PTPRG: variants seen among roughly 807,000 people sequenced by gnomAD.
The protein encoded by PTPRG is receptor-type tyrosine-protein phosphatase gamma.
A neutral mutation model predicts 165.3 loss-of-function variants in PTPRG; 102 were observed. The ratio of observed to expected loss-of-function variants is 0.62; its 90% confidence interval spans 0.53 to 0.73. PTPRG has a LOEUF of 0.73. PTPRG is among the 30% of genes least tolerant of loss of function. The pLI is 0.00. For missense variants in PTPRG, 1,866 were observed against 1,861.4 expected, an observed-to-expected ratio of 1.00 and a Z score of -0.05; for synonymous variants, 675 against 669.5, an observed-to-expected ratio of 1.01 and a Z score of -0.13.
At chr3:61,588,969 C>T (rs1443227094) in intron 1 of PTPRG, among the ~76,000 whole-genome samples, 1 of 152,108 alleles carries the variant, frequency 6.6e-6, no homozygotes, top group Non-Finnish European at 1.5e-5. Flanking sequence ...CTCTCCATAG[C>T]TTATAGGATT....
At chr3:61,677,931 C>T (rs558166669) in intron 1 of PTPRG, among the ~76,000 whole-genome samples, 4 of 152,244 alleles carry the variant, frequency 2.6e-5, no homozygotes, top group African/African-American at 9.6e-5. Context: ...ACACCCCTTC[C>T]TCATGAATTA....
intron 5 of PTPRG, among the ~76,000 whole-genome samples, chr3:62,091,403 A>T (rs990892292): frequency 6.6e-6 from 1 of 152,214 alleles, no homozygotes; most frequent in Non-Finnish European, 1.5e-5. Context: ...AACACCTTGG[A>T]TGATAAAAGA....
At chr3:62,078,137 A>C (rs1701451970) in intron 4 of PTPRG, 26 bp from the exon 5 acceptor site, 1 of 1,478,554 alleles carries the variant, frequency 6.8e-7, no homozygotes. Flanking sequence ...AATTTTCCTA[A>C]TACATTTTTT....
At chr3:61,740,232 AT>A (rs1345182607) in intron 1 of PTPRG, among the ~76,000 whole-genome samples, 1 of 152,176 alleles carries the variant, frequency 6.6e-6, no homozygotes, top group African/African-American at 2.4e-5. Flanking sequence ...GAATCAGGAG[AT>A]TTGTTTCCTT....
At chr3:62,259,304 C>T (rs559367889) in intron 16 of PTPRG, among the ~76,000 whole-genome samples, 364 of 152,208 alleles carry the variant, frequency 2.4e-3, no homozygotes, top group Non-Finnish European at 4.3e-3. Context: ...AGCCTGTAGG[C>T]AGGGCTGTCC....
At chr3:61,753,379 AAC>A (rs1258907732) in intron 2 of PTPRG, among the ~76,000 whole-genome samples, 18 of 152,136 alleles carry the variant, frequency 1.2e-4, no homozygotes, top group African/African-American at 4.1e-4. Context: ...GAAATAATAA[AAC>A]AATTTCTTTT....
chr3:62,176,651 T>C (rs752508796), intron 8 of PTPRG, among the ~76,000 whole-genome samples: 3 of 152,084 alleles, frequency 2.0e-5, no homozygotes, highest in Admixed American at 1.3e-4. Flanking sequence ...TCAGGTTATC[T>C]TGGGTGCTCA....
chr3:61,878,724 G>T (rs1470204341), intron 2 of PTPRG, among the ~76,000 whole-genome samples: 1 of 151,724 alleles, frequency 6.6e-6, no homozygotes, highest in Non-Finnish European at 1.5e-5. Context: ...GGTTGGTCTC[G>T]AACTCCTGGG....
At chr3:62,170,121 C>T (rs1705160458) in intron 8 of PTPRG, among the ~76,000 whole-genome samples, 2 of 151,912 alleles carry the variant, frequency 1.3e-5, no homozygotes, top group South Asian at 4.1e-4. Context: ...AATTTGGGGA[C>T]AATAGATTGT....
chr3:61,766,500 A>G lies in PTPRG; in HGVS notation c.190+17518A>G, dbSNP rs141043048. Among the ~76,000 whole-genome samples, 8 of 152,290 alleles carry G rather than the reference A, an allele frequency of 5.3e-5. 1 individual carries two copies. In the South Asian group the frequency reaches 1.5e-3, roughly 28 times the overall value. On this transcript the variant is annotated intron_variant, in intron 2 of 29. Coordinates refer to ENST00000474889, the MANE Select transcript of PTPRG (RefSeq NM_002841.4). ...AATCACATTTTCCAGATTTCTATCTATATATTAAAGGAGTAGATCTGGAAT... is the reference window on the plus strand; with the variant it reads ...AATCACATTTTCCAGATTTCTATCTGTATATTAAAGGAGTAGATCTGGAAT...
chr3:62,167,415 T>G (rs1474884071), intron 7 of PTPRG, among the ~76,000 whole-genome samples: 3 of 152,222 alleles, frequency 2.0e-5, no homozygotes, highest in Non-Finnish European at 4.4e-5. Context: ...AGGAACTGTT[T>G]TAAGCACTGT....
chr3:61,976,688 T>A (rs2040514640), intron 2 of PTPRG, among the ~76,000 whole-genome samples: 1 of 152,132 alleles, frequency 6.6e-6, no homozygotes, highest in East Asian at 1.9e-4. Flanking sequence ...AAAAAATTTT[T>A]TTTTGAGAGG....
chr3:62,046,910 C>T (rs7637898), intron 4 of PTPRG, among the ~76,000 whole-genome samples: 110,600 of 152,064 alleles, frequency 0.73, 40,970 homozygotes, highest in Middle Eastern at 0.79. Context: ...GGATGCAAGA[C>T]TGTGCACTGA....
At chr3:62,287,762 C>A (rs892184530) in intron 28 of PTPRG, among the ~76,000 whole-genome samples, 4 of 152,098 alleles carry the variant, frequency 2.6e-5, no homozygotes. Context: ...AGTTAACAAG[C>A]GTGATCTAAT....
At chr3:61,791,350 C>T (rs918611994) in intron 2 of PTPRG, among the ~76,000 whole-genome samples, 28 of 152,332 alleles carry the variant, frequency 1.8e-4, no homozygotes, top group African/African-American at 6.5e-4. Context: ...TTTCTTGAGG[C>T]ATGCTGTTCC....
intron 2 of PTPRG, among the ~76,000 whole-genome samples, chr3:61,875,208 A>G (rs2037700175): frequency 6.6e-6 from 1 of 152,138 alleles, no homozygotes; most frequent in African/African-American, 2.4e-5. Flanking sequence ...TAGAATATCA[A>G]GAGTGTTAAT....
At chr3:61,885,193 C>T (rs74488009) in intron 2 of PTPRG, among the ~76,000 whole-genome samples, 1 of 151,850 alleles carries the variant, frequency 6.6e-6, no homozygotes, top group Non-Finnish European at 1.5e-5. Flanking sequence ...GATCATATAA[C>T]GGTAAACTAT....
chr3:61,963,923 A>C (rs906416644), intron 2 of PTPRG, among the ~76,000 whole-genome samples: 7 of 152,120 alleles, frequency 4.6e-5, no homozygotes, highest in African/African-American at 1.7e-4. Flanking sequence ...ATTTGGTAGA[A>C]ATTTTGGTAT....
At chr3:61,591,679 T>A (rs1460651617) in intron 1 of PTPRG, among the ~76,000 whole-genome samples, 1 of 152,106 alleles carries the variant, frequency 6.6e-6, no homozygotes, top group Non-Finnish European at 1.5e-5. Context: ...ACCTCAGGTT[T>A]TGAACTTGGT....
Sources: allele counts gnomAD v4.1 joint callset (sites outside exome capture counted in the v4.1 genomes callset), GRCh38; gene constraint gnomAD v4.1.1; transcripts MANE v1.5; gene names NCBI Gene and HGNC (gene_info 2026-07-23, HGNC 2026-07-21).